The following VEZT variants were observed in gnomAD, a reference collection of about 807,000 sequenced individuals.
The protein encoded by VEZT is vezatin, adherens junctions transmembrane protein.
A neutral mutation model predicts 79.9 loss-of-function variants in VEZT; 39 were observed. The observed-to-expected ratio is 0.49, with a 90% CI of 0.38 to 0.64. The LOEUF (loss-of-function observed/expected upper bound fraction) is 0.64. Ranked by LOEUF, VEZT falls within the 30% of genes least tolerant of loss-of-function variation. The pLI is 0.00. For missense variants in VEZT, 837 were observed against 893.1 expected, an observed-to-expected ratio of 0.94 and a Z score of 0.80; for synonymous variants, 325 against 327.6, an observed-to-expected ratio of 0.99 and a Z score of 0.09.
chr12:95,239,680 G>A (rs918334611), intron 1 of VEZT, among the ~76,000 whole-genome samples: 7 of 152,096 alleles, frequency 4.6e-5, no homozygotes, highest in Non-Finnish European at 7.4e-5. Flanking sequence ...GGCCCAGCAC[G>A]GTAGCTCACA....
At chr12:95,253,397 A>G (rs2062932176) in intron 2 of VEZT, among the ~76,000 whole-genome samples, 1 of 152,212 alleles carries the variant, frequency 6.6e-6, no homozygotes, top group Admixed American at 6.5e-5. Flanking sequence ...ACTAACACCC[A>G]GAAGGTGAGA....
chr12:95,296,170 GGT>G lies in VEZT; in HGVS notation c.1745_1746del (p.Val582AlafsTer11). 6.3e-7 allele frequency: 1 copy of G among 1,580,134 alleles called. No homozygotes were observed. The highest frequency in any genetic ancestry group is 8.6e-7 in the Non-Finnish European group (1 of 1,161,930). On this transcript the variant is annotated frameshift_variant, in exon 11 of 12. Coordinates refer to ENST00000436874, the MANE Select transcript of VEZT (RefSeq NM_017599.4). LOFTEE classifies it high-confidence loss of function. ...QKREHEESKR[V>X]LQELKSVLGF... is the part of the protein sequence containing the mutation. ...AGCGTGAGCATGAAGAATCCAAGAG[GGT>G]GCTCCAAGAATTAAAATCTGTGCTG...
chr12:95,285,187 T>C (rs2070386798), intron 8 of VEZT, among the ~76,000 whole-genome samples: 5 of 151,970 alleles, frequency 3.3e-5, no homozygotes, highest in Non-Finnish European at 1.5e-5. Context: ...CTAACACCTG[T>C]AATCCTGATA....
At chr12:95,282,688 A>G (rs1277211682) in intron 8 of VEZT, 44 bp downstream of exon 8, 2 of 1,502,176 alleles carry the variant, frequency 1.3e-6, no homozygotes, top group Middle Eastern at 1.9e-4. Context: ...GTAATTAGCA[A>G]GCTTCATTCG....
At chr12:95,231,362 T>G (rs1015227056) in intron 1 of VEZT, 2 of 152,182 alleles carry the variant, frequency 1.3e-5, no homozygotes, top group African/African-American at 4.8e-5. Context: ...CTGCTTCTGA[T>G]AGGAAAATGC....
chr12:95,221,631 C>T (rs1391619871), intron 1 of VEZT, among the ~76,000 whole-genome samples: 1 of 151,484 alleles, frequency 6.6e-6, no homozygotes, highest in Non-Finnish European at 1.5e-5. Flanking sequence ...TTGCTTGAAG[C>T]CAGGAGTTTA....
chr12:95,218,962 G>A (rs1024867024), intron 1 of VEZT, among the ~76,000 whole-genome samples: 3 of 152,184 alleles, frequency 2.0e-5, no homozygotes, highest in African/African-American at 7.2e-5. Flanking sequence ...GGGGTGTGGA[G>A]GGTGGCTATG....
At position 95,244,248 on chromosome 12, in the gene VEZT, G is replaced by A. The variant is rs372370555; in HGVS notation, c.37-7692G>A. ...TCTCTAAAATAAAAAACAATTAGCC[G>A]GACATAATGGCACATACCTGTAGTA... is the stretch of plus-strand genomic sequence containing the variant. On this transcript the variant is annotated intron_variant, in intron 1 of 11. Coordinates refer to ENST00000436874, the MANE Select transcript of VEZT (RefSeq NM_017599.4). Among the ~76,000 whole-genome samples, 14 of 151,902 alleles carry A rather than the reference G, an allele frequency of 9.2e-5. No homozygotes were observed. In the South Asian group the frequency reaches 2.5e-3, roughly 27 times the overall value.
At chr12:95,242,819 G>A (rs1397308430) in intron 1 of VEZT, among the ~76,000 whole-genome samples, 1 of 147,464 alleles carries the variant, frequency 6.8e-6, no homozygotes, top group Non-Finnish European at 1.5e-5. Context: ...GTTGCAGTGA[G>A]CCGAGATGGT....
chr12:95,282,291 T>A, intron 7 of VEZT, 22 bp from the exon 8 acceptor site: 1 of 1,556,690 alleles, frequency 6.4e-7, no homozygotes, highest in Non-Finnish European at 8.6e-7. Context: ...TTGATCTAGT[T>A]CTTTTTTCTT....
intron 11 of VEZT, among the ~76,000 whole-genome samples, chr12:95,298,613 G>A (rs989205959): frequency 6.6e-6 from 1 of 152,126 alleles, no homozygotes; most frequent in African/African-American, 2.4e-5. Flanking sequence ...TGTATCCCTA[G>A]CGCAAAGATC....
intron 7 of VEZT, among the ~76,000 whole-genome samples, chr12:95,275,456 T>C (rs758658531): frequency 1.3e-5 from 2 of 151,936 alleles, no homozygotes; most frequent in Non-Finnish European, 2.9e-5. Context: ...AAAAATTAGC[T>C]GGGTGCAGTG....
At chr12:95,223,762 T>C (rs1339611129) in intron 1 of VEZT, among the ~76,000 whole-genome samples, 1 of 152,224 alleles carries the variant, frequency 6.6e-6, no homozygotes, top group Non-Finnish European at 1.5e-5. Flanking sequence ...CAGGTAGACT[T>C]TTCAAAAAAC....
chr12:95,298,327 C>T (rs1239089589), intron 11 of VEZT, among the ~76,000 whole-genome samples: 2 of 151,982 alleles, frequency 1.3e-5, no homozygotes, highest in African/African-American at 4.8e-5. Context: ...AGTCTTGAAC[C>T]CCAAAGCATA....
chr12:95,232,505 G>A (rs1469542128), intron 1 of VEZT, among the ~76,000 whole-genome samples: 3 of 152,200 alleles, frequency 2.0e-5, no homozygotes, highest in African/African-American at 7.2e-5. Flanking sequence ...TGGGAAGTCT[G>A]TGTTAACAAA....
At chr12:95,245,471 G>A in intron 1 of VEZT, 1 of 455,632 alleles carries the variant, frequency 2.2e-6, no homozygotes, top group Non-Finnish European at 4.4e-6. Flanking sequence ...AGTATTACAA[G>A]ATAAAACTCT....
At chr12:95,262,349 G>A (rs1377842849) in intron 3 of VEZT, 1 of 152,200 alleles carries the variant, frequency 6.6e-6, no homozygotes, top group Admixed American at 6.5e-5. Context: ...CTTGATAGAT[G>A]AATAGAAAGA....
chr12:95,241,225 C>T (rs2060970760), intron 1 of VEZT, among the ~76,000 whole-genome samples: 1 of 151,750 alleles, frequency 6.6e-6, no homozygotes, highest in African/African-American at 2.4e-5. Flanking sequence ...TTAGTAGAGA[C>T]AAGGTTTCAC....
At chr12:95,230,800 G>A (rs10859855) in intron 1 of VEZT, among the ~76,000 whole-genome samples, 43,574 of 151,990 alleles carry the variant, frequency 0.29, 7,159 homozygotes, top group African/African-American at 0.46. Flanking sequence ...TGACCGATGT[G>A]TGCCAGTTAA....
Sources: allele counts gnomAD v4.1 joint callset (sites outside exome capture counted in the v4.1 genomes callset), GRCh38; gene constraint gnomAD v4.1.1; transcripts MANE v1.5; gene names NCBI Gene and HGNC (gene_info 2026-07-23, HGNC 2026-07-21).